TGFA: variants seen among roughly 807,000 people sequenced by gnomAD.
The protein encoded by TGFA is transforming growth factor alpha.
TGFA carries 12 observed loss-of-function variants against 21.7 expected under a neutral mutation model. That is an observed-to-expected ratio of 0.55 (90% confidence interval 0.35 to 0.90). The LOEUF is 0.90. Ranked by LOEUF, TGFA falls within the 40% of genes least tolerant of loss-of-function variation. The pLI is 0.01. For synonymous variants in TGFA, 79 were observed against 88.1 expected (o/e 0.90, Z 0.58); for missense variants, 178 against 210.8 (o/e 0.84, Z 0.96).
At chr2:70,527,145 A>G (rs1053287129) in intron 1 of TGFA, among the ~76,000 whole-genome samples, 3 of 152,260 alleles carry the variant, frequency 2.0e-5, no homozygotes, top group African/African-American at 7.2e-5. Flanking sequence ...AAAAATCTGC[A>G]TATAGATGCT....
At position 70,447,599 on chromosome 2, in the gene TGFA, G is replaced by A. The variant is rs142396078; in HGVS notation, c.*3260C>T. 1.3e-5 allele frequency: 2 copies of A among 152,642 alleles called. No homozygotes were observed. Among genetic ancestry groups the A allele is most frequent in the African/African-American group, 4.8e-5 (2 of 41,546 alleles). 9.5% of individuals were successfully genotyped at this position (152,642 alleles called of 1,614,324 possible). On this transcript the variant is annotated 3_prime_UTR_variant, in exon 6 of 6. Transcript: ENST00000295400. ...AGATAATGAAAAGTTGACCATTTTA[G>A]TAAATTATTAAGACTAAGAAGAGGA... is the stretch of plus-strand genomic sequence containing the variant.
At chr2:70,495,814 G>C (rs4852620) in intron 2 of TGFA, among the ~76,000 whole-genome samples, 4 of 151,926 alleles carry the variant, frequency 2.6e-5, no homozygotes, top group African/African-American at 9.7e-5. Flanking sequence ...ACATTCTACC[G>C]TTTGAATAGT....
chr2:70,521,551 C>T (rs1305809731), intron 1 of TGFA, among the ~76,000 whole-genome samples: 1 of 149,878 alleles, frequency 6.7e-6, no homozygotes, highest in Non-Finnish European at 1.5e-5. Flanking sequence ...TATTGAGTGA[C>T]ACACAATAAA....
Position 70,503,185 on chromosome 2 carries a change from C to A in TGFA, c.94+11674G>T, listed in dbSNP as rs2103818728. On this transcript the variant is annotated intron_variant, in intron 2 of 5. Transcript: ENST00000295400. Reference sequence around the variant, plus strand: ...ACTTGGAACCAACCCAAATGTCCAACAATGATAGACTGGATTAAGAAGATG... The same window carrying A: ...ACTTGGAACCAACCCAAATGTCCAAAAATGATAGACTGGATTAAGAAGATG... Among the ~76,000 whole-genome samples the A allele has an allele frequency of 2.6e-5, 4 of 152,230 alleles. No individual in the cohort carries two copies. In the South Asian group the frequency reaches 8.3e-4, roughly 32 times the overall value.
chr2:70,470,750 T>A (rs1670717318), intron 2 of TGFA, among the ~76,000 whole-genome samples: 1 of 152,178 alleles, frequency 6.6e-6, no homozygotes, highest in Non-Finnish European at 1.5e-5. Context: ...AGAGTGCAAG[T>A]TCCTGGTCCT....
At chr2:70,529,675 G>A (rs1486868944) in intron 1 of TGFA, among the ~76,000 whole-genome samples, 1 of 152,152 alleles carries the variant, frequency 6.6e-6, no homozygotes, top group Non-Finnish European at 1.5e-5. Context: ...AGATGCTGGG[G>A]CAGACGCCTC....
At chr2:70,514,328 A>G (rs111919287) in intron 2 of TGFA, among the ~76,000 whole-genome samples, 299 of 152,282 alleles carry the variant, frequency 2.0e-3, no homozygotes, top group African/African-American at 6.9e-3. Flanking sequence ...GCTCCCCTGC[A>G]GTGCTGTGGC....
chr2:70,529,588 T>TCCA (rs1672750009), intron 1 of TGFA, among the ~76,000 whole-genome samples: 1 of 146,542 alleles, frequency 6.8e-6, no homozygotes, highest in Non-Finnish European at 1.5e-5. Flanking sequence ...GAGGAGTGAA[T>TCCA]CCCCCCGCCC....
At chr2:70,463,370 G>A (rs1408287247) in intron 3 of TGFA, among the ~76,000 whole-genome samples, 1 of 152,192 alleles carries the variant, frequency 6.6e-6, no homozygotes, top group Admixed American at 6.5e-5. Flanking sequence ...GTGTAAGGGT[G>A]TGTGAATGTG....
At chr2:70,476,658 T>A (rs1182254442) in intron 2 of TGFA, among the ~76,000 whole-genome samples, 1 of 152,220 alleles carries the variant, frequency 6.6e-6, no homozygotes, top group Non-Finnish European at 1.5e-5. Flanking sequence ...TTCTAGAACA[T>A]TTTATGTCCT....
chr2:70,476,094 A>AT (rs1553494295), intron 2 of TGFA, among the ~76,000 whole-genome samples: 7 of 146,320 alleles, frequency 4.8e-5, no homozygotes, highest in African/African-American at 1.9e-4. Context: ...AAAAAAAAAA[A>AT]AAAAAAAAAA....
In TGFA at chr2:70,456,506, G is replaced by A. The variant is rs370415746; in HGVS notation, c.216-18C>T. The A allele has an allele frequency of 1.4e-5, 23 of 1,590,966 alleles. No homozygotes were observed. Among genetic ancestry groups the A allele is most frequent in the African/African-American group, 8.1e-5 (6 of 74,458 alleles). On this transcript the variant is annotated intron_variant, in intron 3 of 5. Coordinates refer to ENST00000295400, the MANE Select transcript of TGFA (RefSeq NM_003236.4). ...AATGGCAGCTGGGGAAGAAAGGAAC[G>A]TCAGTGCACTCTCCTGACAAAAGGT... is the stretch of plus-strand genomic sequence containing the variant.
Position 70,504,477 on chromosome 2 carries a change from C to CATATATATATATATATAT in TGFA, c.94+10381_94+10382insATATATATATATATATAT, listed in dbSNP as rs370498590. 7.4e-5 allele frequency among the ~76,000 whole-genome samples: 5 copies of CATATATATATATATATAT among 67,462 alleles called. No individual in the cohort carries two copies. The East Asian group carries it at 1.5e-3, about 21-fold the overall frequency. The allele number at this position is 67,462 out of a possible 152,430, so 44.3% of individuals were successfully genotyped here. On this transcript the variant is annotated intron_variant, in intron 2 of 5. Coordinates refer to ENST00000295400, the MANE Select transcript of TGFA (RefSeq NM_003236.4). ...ATATATATATATACACACATACATA[C>CATATATATATATATATAT]ATACATACACACACACACACACACA...
intron 2 of TGFA, among the ~76,000 whole-genome samples, chr2:70,488,209 A>G (rs1444268437): frequency 1.3e-5 from 2 of 152,150 alleles, no homozygotes; most frequent in Non-Finnish European, 2.9e-5. Context: ...ATCCCGTTAT[A>G]TATGTTACAA....
At chr2:70,549,364 C>A (rs1201594373) in intron 1 of TGFA, among the ~76,000 whole-genome samples, 6 of 152,214 alleles carry the variant, frequency 3.9e-5, no homozygotes, top group Admixed American at 2.6e-4. Context: ...GTTTCCCTAA[C>A]AGCAACTGAC....
chr2:70,493,487 C>T (rs1671491978), intron 2 of TGFA, among the ~76,000 whole-genome samples: 2 of 152,168 alleles, frequency 1.3e-5, no homozygotes, highest in Non-Finnish European at 2.9e-5. Flanking sequence ...GAGGCCTCCA[C>T]CCCCGATTTG....
intron 2 of TGFA, among the ~76,000 whole-genome samples, chr2:70,503,341 G>A (rs1283030290): frequency 2.0e-5 from 3 of 148,744 alleles, no homozygotes; most frequent in African/African-American, 5.0e-5. Flanking sequence ...ACCAAACACC[G>A]CATGTTCTCA....
chr2:70,481,305 A>T (rs1158080347), intron 2 of TGFA, among the ~76,000 whole-genome samples: 3 of 152,200 alleles, frequency 2.0e-5, no homozygotes, highest in Admixed American at 6.5e-5. Context: ...GGTAGTACTA[A>T]GTACTACTGC....
rs550967342 is a variant in TGFA, at chr2:70,457,627, C to T, written c.216-1139G>A. ...CGGGATCTCGGCTCACTGCAACCTC[C>T]GTCTCCTGAGTTCAAGTGGTTCTCC... On this transcript the variant is annotated intron_variant, in intron 3 of 5. Coordinates refer to ENST00000295400, the MANE Select transcript of TGFA (RefSeq NM_003236.4). Among the ~76,000 whole-genome samples the T allele has an allele frequency of 6.7e-4, 102 of 151,654 alleles. 1 individual carries two copies. Among genetic ancestry groups the T allele is most frequent in the Non-Finnish European group, 1.2e-3 (84 of 67,912 alleles).
Sources: allele counts gnomAD v4.1 joint callset (sites outside exome capture counted in the v4.1 genomes callset), GRCh38; gene constraint gnomAD v4.1.1; transcripts MANE v1.5; gene names NCBI Gene and HGNC (gene_info 2026-07-23, HGNC 2026-07-21).